RNF11: variants seen among roughly 807,000 people sequenced by gnomAD.
The protein encoded by RNF11 is ring finger protein 11.
Under a neutral mutation model 15.8 loss-of-function variants are expected in RNF11, and 4 were observed. That is an observed-to-expected ratio of 0.25 (90% CI 0.12 to 0.58). The LOEUF (loss-of-function observed/expected upper bound fraction) is 0.58. Among genes scored for constraint, RNF11 ranks in the 20% least tolerant of loss-of-function variants. RNF11 has a pLI of 0.91. For synonymous variants in RNF11, 68 were observed against 72.3 expected, an observed-to-expected ratio of 0.94 and a Z score of 0.30; for missense variants, 139 against 194.4, an observed-to-expected ratio of 0.71 and a Z score of 1.70.
chr1:51,257,728 G>T (rs1214715558), intron 1 of RNF11, among the ~76,000 whole-genome samples: 1 of 151,984 alleles, frequency 6.6e-6, no homozygotes, highest in Non-Finnish European at 1.5e-5. Flanking sequence ...AAAGTGCTGG[G>T]ATTACAGGCG....
Position 51,264,291 on chromosome 1 carries a change from T to A in RNF11, c.124-5665T>A, listed in dbSNP as rs1160429088. ...AAAAAAAAAAAAAAAAAAAAAAATA[T>A]ATATATATATATATATATATATATA... is the stretch of plus-strand genomic sequence containing the variant. On this transcript the variant is annotated intron_variant, in intron 1 of 2. Coordinates refer to ENST00000242719, the MANE Select transcript of RNF11 (RefSeq NM_014372.5). Among the ~76,000 whole-genome samples, 308 of 64,776 alleles carry A rather than the reference T, an allele frequency of 4.8e-3. 1 individual carries two copies. Among genetic ancestry groups the A allele is most frequent in the African/African-American group, 5.3e-3 (65 of 12,164 alleles). The allele number at this position is 64,776 out of a possible 152,430, so 42.5% of individuals were successfully genotyped here. A position where few individuals can be genotyped will look rare whatever the true frequency, so the allele number is the denominator to read the frequency against.
chr1:51,248,625 C>T (rs747511784), intron 1 of RNF11, among the ~76,000 whole-genome samples: 1 of 152,262 alleles, frequency 6.6e-6, no homozygotes, highest in Non-Finnish European at 1.5e-5. Context: ...ATGAGGTCAG[C>T]ATGAAATAGT....
intron 1 of RNF11, among the ~76,000 whole-genome samples, chr1:51,243,255 T>C (rs375056228): frequency 2.6e-5 from 4 of 152,306 alleles, no homozygotes; most frequent in East Asian, 1.9e-4. Context: ...CAGTGAATAT[T>C]TGATGATAGA....
At chr1:51,262,634 C>G (rs147572655) in intron 1 of RNF11, among the ~76,000 whole-genome samples, 1 of 151,884 alleles carries the variant, frequency 6.6e-6, no homozygotes, top group Admixed American at 6.6e-5. Flanking sequence ...TGCAATGCCA[C>G]CTCCCAGGTT....
intron 1 of RNF11, among the ~76,000 whole-genome samples, chr1:51,244,613 A>G (rs1185248487): frequency 6.6e-6 from 1 of 152,012 alleles, no homozygotes; most frequent in Non-Finnish European, 1.5e-5. Flanking sequence ...TGACCTTGTG[A>G]TCCTCCTGCC....
intron 1 of RNF11, among the ~76,000 whole-genome samples, chr1:51,262,669 C>T (rs1646935898): frequency 6.6e-6 from 1 of 151,692 alleles, no homozygotes; most frequent in South Asian, 2.1e-4. Flanking sequence ...GCGTCAGCCT[C>T]CCAAGTAGTT....
chr1:51,258,978 C>G (rs150137566), intron 1 of RNF11, among the ~76,000 whole-genome samples: 1 of 152,228 alleles, frequency 6.6e-6, no homozygotes, highest in East Asian at 1.9e-4. Flanking sequence ...AGGCCTTGTT[C>G]AAAAAACTAC....
intron 1 of RNF11, chr1:51,266,031 A>G (rs1646953195): frequency 6.6e-6 from 1 of 151,988 alleles, no homozygotes; most frequent in South Asian, 2.1e-4. Flanking sequence ...ACCCTTTATT[A>G]AGATAGGTAT....
chr1:51,242,244 G>A (rs1383846599), intron 1 of RNF11, among the ~76,000 whole-genome samples: 2 of 151,932 alleles, frequency 1.3e-5, no homozygotes, highest in Admixed American at 1.3e-4. Flanking sequence ...AGATTGTTTT[G>A]GGGAGCTTTT....
intron 1 of RNF11, chr1:51,250,512 A>C (rs1646872356): frequency 5.6e-6 from 3 of 540,228 alleles, no homozygotes; most frequent in Non-Finnish European, 9.8e-6. Context: ...ATTTGTTTAC[A>C]CAAGTATGTT....
At chr1:51,239,352 CAG>C (rs1274768539) in intron 1 of RNF11, among the ~76,000 whole-genome samples, 8 of 152,106 alleles carry the variant, frequency 5.3e-5, no homozygotes, top group Admixed American at 5.2e-4. Flanking sequence ...ATATTTTTGA[CAG>C]TGGGAGTTTT....
intron 1 of RNF11, chr1:51,251,436 C>T: frequency 1.1e-6 from 1 of 901,406 alleles, no homozygotes; most frequent in Admixed American, 2.3e-5. Flanking sequence ...CCCAGGGCCT[C>T]CGGGCCCCCC....
intron 1 of RNF11, among the ~76,000 whole-genome samples, chr1:51,255,927 G>A (rs906928022): frequency 6.6e-6 from 1 of 152,064 alleles, no homozygotes; most frequent in Admixed American, 6.6e-5. Context: ...TCCCTTTTCA[G>A]GATTGTTATG....
chr1:51,242,879 A>T (rs1012843566), intron 1 of RNF11, among the ~76,000 whole-genome samples: 2 of 152,268 alleles, frequency 1.3e-5, no homozygotes, highest in South Asian at 4.1e-4. Flanking sequence ...ATATCTCCAA[A>T]TTTATTTCAC....
Position 51,236,843 on chromosome 1 carries a change from G to A in RNF11, c.87G>A (p.Gly29=), listed in dbSNP as rs748683519. 51 of 1,611,632 alleles carry A rather than the reference G, an allele frequency of 3.2e-5. No individual in the cohort carries two copies. The highest frequency in any genetic ancestry group is 1.1e-4 in the East Asian group (5 of 44,616). ...SQSDRASFGE[G]TEPDQEPPPP... Reference sequence around the variant, plus strand: ...CCGACCGGGCTAGCTTTGGCGAGGGGACGGAGCCGGATCAGGAGCCGCCGC... The same window carrying A: ...CCGACCGGGCTAGCTTTGGCGAGGGAACGGAGCCGGATCAGGAGCCGCCGC... Residue 29 remains glycine, a synonymous_variant, in exon 1 of 3, where the codon GGG becomes GGA. Coordinates refer to ENST00000242719, the MANE Select transcript of RNF11 (RefSeq NM_014372.5).
chr1:51,264,287 AATATATAT>A lies in RNF11; in HGVS notation c.124-5645_124-5638del, dbSNP rs1162466435. Among the ~76,000 whole-genome samples, 179 of 32,508 alleles carry A rather than the reference AATATATAT, an allele frequency of 5.5e-3. 1 individual carries two copies. The highest frequency in any genetic ancestry group is 0.011 in the South Asian group (8 of 722). 21.3% of individuals were successfully genotyped at this position (32,508 alleles called of 152,430 possible). On this transcript the variant is annotated intron_variant, in intron 1 of 2. Coordinates refer to ENST00000242719, the MANE Select transcript of RNF11 (RefSeq NM_014372.5). ...AAAAAAAAAAAAAAAAAAAAAAAAA[AATATATAT>A]ATATATATATATATATATATATACA...
At chr1:51,262,197 G>T (rs1458177763) in intron 1 of RNF11, among the ~76,000 whole-genome samples, 4 of 152,178 alleles carry the variant, frequency 2.6e-5, no homozygotes, top group Non-Finnish European at 5.9e-5. Context: ...GCCCAGGCTG[G>T]GATTGCGGGT....
chr1:51,261,167 C>G (rs190650672), intron 1 of RNF11, among the ~76,000 whole-genome samples: 3 of 152,236 alleles, frequency 2.0e-5, no homozygotes, highest in African/African-American at 7.2e-5. Flanking sequence ...GATCTAAGTT[C>G]TTAATCTCAA....
At chr1:51,249,714 A>G (rs1313345569) in intron 1 of RNF11, among the ~76,000 whole-genome samples, 4 of 152,144 alleles carry the variant, frequency 2.6e-5, no homozygotes, top group Non-Finnish European at 4.4e-5. Context: ...TCATTCCATT[A>G]TGTGTATTTG....
Sources: gnomAD v4.1 joint callset for allele counts (sites outside exome capture counted in the v4.1 genomes callset) on GRCh38, gnomAD v4.1.1 for gene constraint, MANE v1.5 for transcripts, NCBI Gene and HGNC (gene_info 2026-07-23, HGNC 2026-07-21) for gene names.